The following ETV5 variants were observed in gnomAD, a reference collection of about 807,000 sequenced individuals.
The protein encoded by ETV5 is ETS translocation variant 5.
A neutral mutation model predicts 70.0 loss-of-function variants in ETV5; 10 were observed. The observed-to-expected ratio is 0.14, with a 90% CI of 0.09 to 0.24. The LOEUF (loss-of-function observed/expected upper bound fraction) is 0.24, where lower values mean the gene tolerates loss of function less well. Ranked by LOEUF, ETV5 falls within the 10% of genes least tolerant of loss-of-function variation. ETV5 has a pLI of 1.00. For missense variants in ETV5, 453 were observed against 651.2 expected (o/e 0.70, Z 3.31); for synonymous variants, 216 against 242.2 (o/e 0.89, Z 1.01).
chr3:186,084,514 G>A (rs74870380), intron 5 of ETV5, among the ~76,000 whole-genome samples: 3,846 of 152,076 alleles, frequency 0.025, 169 homozygotes, highest in African/African-American at 0.087. Context: ...ATCTTCGATG[G>A]GCCAGGTATT....
intron 5 of ETV5, among the ~76,000 whole-genome samples, chr3:186,092,813 C>A (rs2150152764): frequency 6.6e-6 from 1 of 152,286 alleles, no homozygotes; most frequent in East Asian, 1.9e-4. Flanking sequence ...CTGTAAGTCT[C>A]TCCTCCATTG....
Position 186,105,727 on chromosome 3 carries a change from C to T in ETV5, c.46-15G>A. On this transcript the variant is annotated splice_polypyrimidine_tract_variant and intron_variant, in intron 2 of 12. Transcript: ENST00000306376. This position sits in a 1 kb window ranked among gnomAD's most constrained non-coding sequence, Gnocchi z 4.5. ...GATCGAGATTTCTGAAAGAGGCCAA[C>T]AGAAAGTGAAGGCTCAAGTGTAGTA... The T allele has an allele frequency of 6.2e-7, 1 of 1,614,112 alleles. No homozygotes were observed. Among genetic ancestry groups the T allele is most frequent in the African/African-American group, 1.3e-5 (1 of 75,022 alleles).
chr3:186,062,472 A>G (rs568903417), intron 9 of ETV5, among the ~76,000 whole-genome samples: 1 of 152,276 alleles, frequency 6.6e-6, no homozygotes, highest in African/African-American at 2.4e-5. Flanking sequence ...AATACAAAAA[A>G]TTAGCTGGGC....
chr3:186,056,742 A>G (rs898995128), intron 11 of ETV5, among the ~76,000 whole-genome samples: 22 of 152,232 alleles, frequency 1.4e-4, no homozygotes, highest in Non-Finnish European at 2.6e-4. Flanking sequence ...AGACCAAAAC[A>G]AGTCTGTATC....
intron 5 of ETV5, among the ~76,000 whole-genome samples, chr3:186,104,232 C>T (rs546593663): frequency 3.3e-5 from 5 of 152,276 alleles, no homozygotes; most frequent in South Asian, 2.1e-4. Flanking sequence ...TTTCATCAGC[C>T]GGCTTTGTCC....
At chr3:186,069,448 G>A (rs772389917) in intron 7 of ETV5, among the ~76,000 whole-genome samples, 4 of 151,674 alleles carry the variant, frequency 2.6e-5, no homozygotes, top group Admixed American at 1.3e-4. Flanking sequence ...CATGGGCACC[G>A]GCAGCATGCC....
intron 5 of ETV5, chr3:186,084,201 A>G: frequency 2.2e-6 from 1 of 454,126 alleles, no homozygotes; most frequent in Non-Finnish European, 4.4e-6. Context: ...ATGATGACAG[A>G]GACCCAGGAC....
intron 8 of ETV5, among the ~76,000 whole-genome samples, chr3:186,064,985 G>A (rs1313845119): frequency 6.6e-6 from 1 of 152,184 alleles, no homozygotes; most frequent in Non-Finnish European, 1.5e-5. Context: ...AAGTTAGGAA[G>A]CCAGGACCAG....
At chr3:186,049,107 T>C (rs1712957600) in intron 12 of ETV5, among the ~76,000 whole-genome samples, 1 of 152,058 alleles carries the variant, frequency 6.6e-6, no homozygotes. Context: ...TAAAAGAAAA[T>C]CTTCACTTTC....
intron 5 of ETV5, among the ~76,000 whole-genome samples, chr3:186,097,683 A>G (rs1167028671): frequency 6.6e-6 from 1 of 152,216 alleles, no homozygotes; most frequent in Non-Finnish European, 1.5e-5. Context: ...CCAGGCCATC[A>G]GCCCGGCAGT....
Position 186,048,864 on chromosome 3 carries a change from C to T in ETV5, c.1312-4G>A, listed in dbSNP as rs778017956. On this transcript the variant is annotated splice_region_variant and splice_polypyrimidine_tract_variant and intron_variant, in intron 12 of 12. Transcript: ENST00000306376. ...AGACGTATCGCTCTCCAGCCACCTG[C>T]GGGAGAACACACACCTTACAGGGCC... 7.4e-5 allele frequency: 119 copies of T among 1,612,146 alleles called. No individual in the cohort carries two copies. Among genetic ancestry groups the T allele is most frequent in the Non-Finnish European group, 8.9e-5 (105 of 1,178,958 alleles).
chr3:186,106,062 A>G, intron 1 of ETV5, 120 bp from the exon 2 acceptor site: 1 of 675,986 alleles, frequency 1.5e-6, no homozygotes. Context: ...AAGTACTTAA[A>G]ACCTACTCAA....
At chr3:186,087,505 C>T (rs75135487) in intron 5 of ETV5, among the ~76,000 whole-genome samples, 1 of 152,088 alleles carries the variant, frequency 6.6e-6, no homozygotes, top group South Asian at 2.1e-4. Context: ...AAAAAAGCAG[C>T]CTGGTCCTCA....
chr3:186,048,759 G>A lies in ETV5; in HGVS notation c.1413C>T (p.Ser471=), dbSNP rs201204363. ...TGTCCTCCTCGCTGAGGTGGCACTC[G>A]GACTCTGCCTTCAGGAACGGACGCT... ...DNQRPFLKAE[S]ECHLSEEDTL... Residue 471 remains serine (S), a synonymous_variant, in exon 13 of 13, where the codon TCC becomes TCT. Transcript: ENST00000306376. 84 of 1,613,974 alleles carry A rather than the reference G, an allele frequency of 5.2e-5. No individual in the cohort carries two copies. Among genetic ancestry groups the A allele is most frequent in the Middle Eastern group, 1.6e-4 (1 of 6,080 alleles).
intron 7 of ETV5, among the ~76,000 whole-genome samples, chr3:186,073,051 G>C (rs983777548): frequency 1.3e-5 from 2 of 152,140 alleles, no homozygotes; most frequent in Non-Finnish European, 2.9e-5. Context: ...AGAATCGTTT[G>C]AACTCGGGAG....
chr3:186,061,254 T>C (rs1713297658), intron 9 of ETV5, among the ~76,000 whole-genome samples: 1 of 152,212 alleles, frequency 6.6e-6, no homozygotes, highest in Non-Finnish European at 1.5e-5. Context: ...TAGAAACTAC[T>C]AAAGCCTGGG....
At position 186,057,174 on chromosome 3, in the gene ETV5, C is replaced by T. The variant is rs776739793; in HGVS notation, c.1110G>A (p.Leu370=). 3 of 1,614,198 alleles carry T rather than the reference C, an allele frequency of 1.9e-6. No homozygotes were observed. Among genetic ancestry groups the T allele is most frequent in the East Asian group, 2.2e-5 (1 of 44,888 alleles). The change falls in exon 11 of 13, where the codon CTG becomes CTA. Residue 370 remains leucine, a synonymous_variant. Coordinates refer to ENST00000306376, the MANE Select transcript of ETV5 (RefSeq NM_004454.3). This position sits in a 1 kb window ranked among gnomAD's most constrained non-coding sequence, Gnocchi z 4.9. ...CAAGAAGGGTGACCAGGAACTGCCA[C>T]AGCTGAAGGGAACCTCGCCTCTGGT... ...PPYQRRGSLQ[L]WQFLVTLLDD... is the part of the protein sequence containing the mutation.
At chr3:186,079,593 T>G (rs1713880998) in intron 7 of ETV5, among the ~76,000 whole-genome samples, 1 of 152,136 alleles carries the variant, frequency 6.6e-6, no homozygotes, top group Admixed American at 6.5e-5. Context: ...CTTACCTACT[T>G]TATAAGGATG....
intron 5 of ETV5, among the ~76,000 whole-genome samples, chr3:186,093,719 G>T (rs1217299433): frequency 6.6e-6 from 1 of 152,200 alleles, no homozygotes; most frequent in African/African-American, 2.4e-5. Flanking sequence ...GGGAGCTCAA[G>T]ACTTGCCCTA....
Sources: allele counts gnomAD v4.1 joint callset (sites outside exome capture counted in the v4.1 genomes callset), GRCh38; gene constraint gnomAD v4.1.1; non-coding constraint Gnocchi (gnomAD v3.1); transcripts MANE v1.5; gene names NCBI Gene and HGNC (gene_info 2026-07-23, HGNC 2026-07-21).